AGBL4: variants seen among roughly 807,000 people sequenced by gnomAD.
AGBL4 encodes cytosolic carboxypeptidase 6.
In AGBL4, 58 loss-of-function variants were observed where a neutral mutation model predicts 66.4. That is an observed-to-expected ratio of 0.87 (90% CI 0.71 to 1.09). The LOEUF (loss-of-function observed/expected upper bound fraction) is 1.09, where lower values mean the gene tolerates loss of function less well. Ranked by LOEUF, AGBL4 falls within the 50% of genes least tolerant of loss-of-function variation. The pLI is 0.00. For missense variants in AGBL4, 579 were observed against 631.0 expected (o/e 0.92, Z 0.88); for synonymous variants, 234 against 222.9 (o/e 1.05, Z -0.44).
At chr1:49,816,496 T>A (rs1571628289) in intron 2 of AGBL4, among the ~76,000 whole-genome samples, 1 of 152,166 alleles carries the variant, frequency 6.6e-6, no homozygotes, top group Non-Finnish European at 1.5e-5. Flanking sequence ...TTGGTAAAAA[T>A]GAAAAGTAGA....
chr1:48,557,946 C>A (rs1193981695), intron 11 of AGBL4, among the ~76,000 whole-genome samples: 3 of 152,244 alleles, frequency 2.0e-5, no homozygotes, highest in South Asian at 2.1e-4. Flanking sequence ...GAGACTACCT[C>A]TTCTCCATCC....
At chr1:49,237,515 TATATATATATATATATATATATATATA>T (rs1650866325) in intron 4 of AGBL4, among the ~76,000 whole-genome samples, 16 of 136,666 alleles carry the variant, frequency 1.2e-4, no homozygotes, top group African/African-American at 3.0e-4. Flanking sequence ...TATTACATTA[TATATATATATATATATATATATATATA>T]TATATATATA....
At chr1:48,848,569 AT>A (rs965756373) in intron 6 of AGBL4, among the ~76,000 whole-genome samples, 4 of 151,630 alleles carry the variant, frequency 2.6e-5, no homozygotes, top group African/African-American at 7.2e-5. Context: ...ATAATACAAC[AT>A]TTTTTTTTCC....
At chr1:49,067,314 T>A (rs1264357588) in intron 4 of AGBL4, among the ~76,000 whole-genome samples, 1 of 152,164 alleles carries the variant, frequency 6.6e-6, no homozygotes, top group Non-Finnish European at 1.5e-5. Flanking sequence ...TAAGGTAATA[T>A]CAGATCTTTT....
At chr1:49,995,158 C>T (rs1464985037) in intron 1 of AGBL4, 4 of 455,900 alleles carry the variant, frequency 8.8e-6, no homozygotes, top group South Asian at 4.6e-5. Flanking sequence ...AAGGGGTGAC[C>T]CAGGAGAGAA....
intron 6 of AGBL4, among the ~76,000 whole-genome samples, chr1:48,694,266 G>A (rs1020988572): frequency 6.6e-6 from 1 of 152,038 alleles, no homozygotes; most frequent in Non-Finnish European, 1.5e-5. Flanking sequence ...TGAGAGAGAG[G>A]ATATGAATAT....
At chr1:49,796,746 G>T (rs376922229) in intron 2 of AGBL4, among the ~76,000 whole-genome samples, 4 of 151,538 alleles carry the variant, frequency 2.6e-5, no homozygotes. Context: ...CTAAATTACA[G>T]ATTATTTTAA....
chr1:49,416,043 G>A (rs1257613653), intron 3 of AGBL4, among the ~76,000 whole-genome samples: 4 of 152,030 alleles, frequency 2.6e-5, no homozygotes, highest in Admixed American at 6.6e-5. Context: ...TTATCCAGGG[G>A]TCAATGTCAA....
intron 2 of AGBL4, among the ~76,000 whole-genome samples, chr1:49,758,218 A>C (rs1349875372): frequency 6.6e-6 from 1 of 152,176 alleles, no homozygotes; most frequent in Admixed American, 6.5e-5. Flanking sequence ...ACCTCTTCCT[A>C]GGTTTCAGAG....
intron 11 of AGBL4, chr1:48,584,422 A>G (rs1336140778): frequency 6.6e-6 from 1 of 152,242 alleles, no homozygotes; most frequent in Non-Finnish European, 1.5e-5. Context: ...AGTTCATATT[A>G]AAAACTCAGT....
chr1:49,905,654 C>A (rs1378252634), intron 1 of AGBL4, among the ~76,000 whole-genome samples: 1 of 152,040 alleles, frequency 6.6e-6, no homozygotes, highest in Non-Finnish European at 1.5e-5. Flanking sequence ...TTAAGAGAAT[C>A]AAAATATAGC....
Position 49,896,752 on chromosome 1 carries a change from C to G in AGBL4, c.35-45234G>C, listed in dbSNP as rs187479007. ...TCAATAACACATTAAAAAGATCATT[C>G]CTCATGCATGACCAAGTAGGATTTC... is the stretch of plus-strand genomic sequence containing the variant. On this transcript the variant is annotated intron_variant, in intron 1 of 13. Transcript: ENST00000371839. Among the ~76,000 whole-genome samples, 80 of 151,718 alleles carry G rather than the reference C, an allele frequency of 5.3e-4. No homozygotes were observed. In the Middle Eastern group the frequency reaches 0.01, roughly 19 times the overall value.
chr1:48,730,330 G>A (rs539653994), intron 6 of AGBL4, among the ~76,000 whole-genome samples: 2 of 152,272 alleles, frequency 1.3e-5, no homozygotes, highest in Admixed American at 6.5e-5. Flanking sequence ...TGAGATATTC[G>A]TATCTGATTC....
intron 6 of AGBL4, chr1:48,742,521 C>G: frequency 8.0e-7 from 1 of 1,246,302 alleles, no homozygotes; most frequent in Admixed American, 3.0e-5. Context: ...GCCAGGAGGC[C>G]AACCAGTCAA....
chr1:49,728,406 G>A (rs1305934200), intron 2 of AGBL4, among the ~76,000 whole-genome samples: 1 of 152,134 alleles, frequency 6.6e-6, no homozygotes, highest in Non-Finnish European at 1.5e-5. Context: ...ATATTAAAAA[G>A]GTCAAACATT....
chr1:49,447,970 TC>T (rs1292533942), intron 3 of AGBL4, among the ~76,000 whole-genome samples: 2 of 152,056 alleles, frequency 1.3e-5, no homozygotes, highest in Non-Finnish European at 1.5e-5. Flanking sequence ...TCTACTTAGC[TC>T]CTGAGTGTCA....
intron 9 of AGBL4, among the ~76,000 whole-genome samples, chr1:48,611,129 G>T (rs1280025780): frequency 6.6e-6 from 1 of 152,242 alleles, no homozygotes; most frequent in Non-Finnish European, 1.5e-5. Flanking sequence ...CAGCTGCCCT[G>T]ATATCTGTTT....
intron 4 of AGBL4, among the ~76,000 whole-genome samples, chr1:49,244,842 G>T (rs1232255708): frequency 1.3e-5 from 2 of 151,784 alleles, no homozygotes; most frequent in Non-Finnish European, 3.0e-5. Flanking sequence ...TGTGATAGAT[G>T]AATAGGTTAA....
At chr1:49,081,938 A>T (rs1396557476) in intron 4 of AGBL4, among the ~76,000 whole-genome samples, 1 of 152,180 alleles carries the variant, frequency 6.6e-6, no homozygotes, top group African/African-American at 2.4e-5. Context: ...TTGGCATTTA[A>T]AAAGAAGGCT....
Sources: allele counts gnomAD v4.1 joint callset (sites outside exome capture counted in the v4.1 genomes callset), GRCh38; gene constraint gnomAD v4.1.1; transcripts MANE v1.5; gene names NCBI Gene and HGNC (gene_info 2026-07-23, HGNC 2026-07-21).